PDCD1LG2: variants seen among roughly 807,000 people sequenced by gnomAD.
PDCD1LG2 encodes the protein B7 dendritic cell molecule.
PDCD1LG2 carries 32 observed loss-of-function variants against 28.2 expected under a neutral mutation model. That is an observed-to-expected ratio of 1.13 (90% CI 0.86 to 1.52). The LOEUF (loss-of-function observed/expected upper bound fraction) is 1.52, where lower values mean the gene tolerates loss of function less well. Ranked by LOEUF, PDCD1LG2 falls within the 40% of genes most tolerant of loss-of-function variation. The pLI, the probability that PDCD1LG2 is intolerant of heterozygous loss-of-function variation, is 0.00. For missense variants in PDCD1LG2, 385 were observed against 323.8 expected, an observed-to-expected ratio of 1.19 and a Z score of -1.45; for synonymous variants, 116 against 120.2, an observed-to-expected ratio of 0.97 and a Z score of 0.23.
At chr9:5,548,602 A>G (rs895150774) in intron 3 of PDCD1LG2, among the ~76,000 whole-genome samples, 1 of 152,178 alleles carries the variant, frequency 6.6e-6, no homozygotes, top group Admixed American at 6.5e-5. Context: ...CTATACTTAG[A>G]TCTCAGCTTT....
At chr9:5,525,414 C>T (rs1336473083) in intron 2 of PDCD1LG2, among the ~76,000 whole-genome samples, 1 of 150,546 alleles carries the variant, frequency 6.6e-6, no homozygotes, top group Non-Finnish European at 1.5e-5. Context: ...TAAAAACAAT[C>T]CATATGCCCT....
chr9:5,525,675 GATAACAC>G (rs1170233837), intron 2 of PDCD1LG2, among the ~76,000 whole-genome samples: 9 of 152,048 alleles, frequency 5.9e-5, no homozygotes, highest in African/African-American at 1.9e-4. Context: ...AAGGCCAGAA[GATAACAC>G]ATAGCACAAT....
intron 3 of PDCD1LG2, among the ~76,000 whole-genome samples, chr9:5,538,911 T>C (rs1225308838): frequency 6.6e-6 from 1 of 152,144 alleles, no homozygotes; most frequent in Admixed American, 6.5e-5. Context: ...ATACAATGTA[T>C]AGTGATCAGA....
chr9:5,530,500 G>A (rs73641637), intron 2 of PDCD1LG2, among the ~76,000 whole-genome samples: 2,163 of 151,918 alleles, frequency 0.014, 51 homozygotes, highest in African/African-American at 0.046. Context: ...CTCACTCATG[G>A]ATGTAGTGTA....
chr9:5,534,332 C>A (rs1820537598), intron 2 of PDCD1LG2, among the ~76,000 whole-genome samples: 1 of 152,142 alleles, frequency 6.6e-6, no homozygotes, highest in South Asian at 2.1e-4. Flanking sequence ...AACATGAGCT[C>A]AGACCTTGAT....
chr9:5,558,975 C>A (rs1241748848), intron 5 of PDCD1LG2, among the ~76,000 whole-genome samples: 1 of 152,226 alleles, frequency 6.6e-6, no homozygotes, highest in African/African-American at 2.4e-5. Context: ...GTGTCAGGTG[C>A]ACCTCAGTTG....
intron 6 of PDCD1LG2, among the ~76,000 whole-genome samples, chr9:5,567,366 G>T (rs976109224): frequency 2.6e-5 from 4 of 152,216 alleles, no homozygotes; most frequent in Non-Finnish European, 4.4e-5. Context: ...CCTTGTCTGT[G>T]ACACACTGCC....
chr9:5,516,596 G>T (rs1176594492), intron 1 of PDCD1LG2, among the ~76,000 whole-genome samples: 1 of 152,200 alleles, frequency 6.6e-6, no homozygotes, highest in Non-Finnish European at 1.5e-5. Context: ...TGTCCATGAT[G>T]CCCAGGCTGT....
intron 1 of PDCD1LG2, among the ~76,000 whole-genome samples, chr9:5,511,860 C>G (rs1586786857): frequency 6.6e-6 from 1 of 152,198 alleles, no homozygotes; most frequent in African/African-American, 2.4e-5. Flanking sequence ...TGAACTGGAG[C>G]TCCTCACAGG....
At chr9:5,535,928 T>G (rs1313480959) in intron 3 of PDCD1LG2, among the ~76,000 whole-genome samples, 1 of 152,230 alleles carries the variant, frequency 6.6e-6, no homozygotes, top group East Asian at 1.9e-4. Context: ...TTTTGCTTGT[T>G]CATTGGCTTA....
chr9:5,543,337 A>T (rs899893580), intron 3 of PDCD1LG2, among the ~76,000 whole-genome samples: 1 of 152,096 alleles, frequency 6.6e-6, no homozygotes, highest in East Asian at 1.9e-4. Flanking sequence ...CAGGAGATCA[A>T]GATCATCCTG....
intron 2 of PDCD1LG2, among the ~76,000 whole-genome samples, chr9:5,526,680 C>T (rs977949379): frequency 6.6e-6 from 1 of 152,152 alleles, no homozygotes; most frequent in Non-Finnish European, 1.5e-5. Context: ...TCAAGCAATC[C>T]TCCTGCCCCA....
chr9:5,525,421 C>T (rs1224297780), intron 2 of PDCD1LG2, among the ~76,000 whole-genome samples: 1 of 151,032 alleles, frequency 6.6e-6, no homozygotes, highest in East Asian at 1.9e-4. Context: ...AATCCATATG[C>T]CCTGGAGAAT....
At chr9:5,533,917 T>C (rs1026133867) in intron 2 of PDCD1LG2, among the ~76,000 whole-genome samples, 1 of 150,556 alleles carries the variant, frequency 6.6e-6, no homozygotes, top group Non-Finnish European at 1.5e-5. Context: ...GTGCCTGGCA[T>C]AGAACATACT....
At chr9:5,519,566 G>A (rs1013991232) in intron 1 of PDCD1LG2, among the ~76,000 whole-genome samples, 1 of 152,168 alleles carries the variant, frequency 6.6e-6, no homozygotes, top group African/African-American at 2.4e-5. Flanking sequence ...AATACCCCAT[G>A]TCTCAGTCCT....
chr9:5,527,127 CA>C (rs1820394942), intron 2 of PDCD1LG2, among the ~76,000 whole-genome samples: 1 of 152,152 alleles, frequency 6.6e-6, no homozygotes, highest in Non-Finnish European at 1.5e-5. Context: ...CATTTTATAT[CA>C]TTTTTAAAGG....
rs1816281204 is a variant in PDCD1LG2, at chr9:5,549,504, C to T, written c.531C>T (p.Thr177=). 6.2e-7 allele frequency: 1 copy of T among 1,614,172 alleles called. No individual in the cohort carries two copies. Reference sequence around the variant, plus strand: ...CCCCTGAAGGCCTCTACCAGGTCACCAGTGTTCTGCGCCTAAAGCCACCCC... The same window carrying T: ...CCCCTGAAGGCCTCTACCAGGTCACTAGTGTTCTGCGCCTAAAGCCACCCC... The part of the protein sequence containing the change: ...SRTPEGLYQV[T]SVLRLKPPPG... The change falls in exon 4 of 7, where the codon ACC becomes ACT. Residue 177 remains threonine, a synonymous_variant. Coordinates refer to ENST00000397747, the MANE Select transcript of PDCD1LG2 (RefSeq NM_025239.4).
chr9:5,563,747 G>A (rs933757074), intron 6 of PDCD1LG2, among the ~76,000 whole-genome samples: 5 of 152,164 alleles, frequency 3.3e-5, no homozygotes, highest in Non-Finnish European at 7.3e-5. Flanking sequence ...ACATGATTGT[G>A]GGGGCTGGCA....
intron 3 of PDCD1LG2, among the ~76,000 whole-genome samples, chr9:5,541,660 G>A (rs1820688302): frequency 6.6e-6 from 1 of 152,106 alleles, no homozygotes. Context: ...ACTACTGAAA[G>A]AAATCACAGA....
Sources: allele counts gnomAD v4.1 joint callset (sites outside exome capture counted in the v4.1 genomes callset), GRCh38; gene constraint gnomAD v4.1.1; transcripts MANE v1.5; gene names NCBI Gene and HGNC (gene_info 2026-07-23, HGNC 2026-07-21).